Variants in TEAD2 observed in about 807,000 individuals in gnomAD.
The protein encoded by TEAD2 is TEA domain transcription factor 2, also known as transcriptional enhancer factor TEF-4.
Under a neutral mutation model 61.4 loss-of-function variants are expected in TEAD2, and 51 were observed. The observed-to-expected ratio is 0.83, with a 90% confidence interval of 0.66 to 1.05. The LOEUF (loss-of-function observed/expected upper bound fraction) is 1.05, where lower values mean the gene tolerates loss of function less well. Among genes scored for constraint, TEAD2 ranks in the 50% least tolerant of loss-of-function variants. TEAD2 has a pLI of 0.00. For synonymous variants in TEAD2, 244 were observed against 243.2 expected, an observed-to-expected ratio of 1.00 and a Z score of -0.03; for missense variants, 509 against 600.0, an observed-to-expected ratio of 0.85 and a Z score of 1.58.
Position 49,342,583 on chromosome 19 carries a change from C to T in TEAD2, c.1097G>A (p.Arg366Gln), listed in dbSNP as rs761469072. Residue 366 changes from arginine to glutamine, a missense_variant, in exon 12 of 13, where the codon CGG (arginine) becomes CAG (glutamine). Transcript: ENST00000593945. ...KQVVEKVETE[R>Q]AQLEDGRFVY... Reference sequence around the variant, plus strand: ...AAATCTGCCGTCCTCCAGCTGGGCCCGTTCCGTCTGAACCAAGGGGAAGGG... The same window carrying T: ...AAATCTGCCGTCCTCCAGCTGGGCCTGTTCCGTCTGAACCAAGGGGAAGGG... 1.1e-5 allele frequency: 18 copies of T among 1,612,172 alleles called. No individual in the cohort carries two copies. Among genetic ancestry groups the T allele is most frequent in the Non-Finnish European group, 1.4e-5 (17 of 1,178,900 alleles).
chr19:49,351,483 G>C (rs1972020374), intron 7 of TEAD2, 118 bp from the exon 8 acceptor site: 7 of 934,494 alleles, frequency 7.5e-6, no homozygotes, highest in Non-Finnish European at 9.6e-6. Context: ...CAATCTCACT[G>C]AAGCCTCACA....
intron 3 of TEAD2, 97 bp from the exon 4 acceptor site, chr19:49,357,411 A>C: frequency 7.8e-7 from 1 of 1,274,416 alleles, no homozygotes; most frequent in Non-Finnish European, 1.1e-6. Context: ...GAGCTGCTGG[A>C]CCATGAAAGG....
At chr19:49,356,748 C>T (rs1972427892) in intron 4 of TEAD2, among the ~76,000 whole-genome samples, 1 of 152,062 alleles carries the variant, frequency 6.6e-6, no homozygotes, top group Non-Finnish European at 1.5e-5. Context: ...GGACCGACGG[C>T]CCATCCTTCC....
intron 10 of TEAD2, 53 bp downstream of exon 10, chr19:49,347,137 G>T: frequency 6.3e-7 from 1 of 1,598,282 alleles, no homozygotes. Context: ...AGAGGCCTTT[G>T]CTGGGACACC....
Position 49,342,437 on chromosome 19 carries a change from C to G in TEAD2, c.1242+1G>C, listed in dbSNP as rs867721608. On this transcript the variant is annotated splice_donor_variant, in intron 12 of 12. Transcript: ENST00000593945. LOFTEE classifies it high-confidence loss of function. ...CACTCCAGCCCAGCCCCAGGCATCACCTGGAGGATGGTGAAGTTTTCCAGG... is the reference window on the plus strand; with the variant it reads ...CACTCCAGCCCAGCCCCAGGCATCAGCTGGAGGATGGTGAAGTTTTCCAGG... 6.2e-7 allele frequency: 1 copy of G among 1,613,272 alleles called. No individual in the cohort carries two copies. Among genetic ancestry groups the G allele is most frequent in the Admixed American group, 1.7e-5 (1 of 60,012 alleles).
chr19:49,347,732 C>A (rs1401628308), intron 9 of TEAD2, among the ~76,000 whole-genome samples: 1 of 152,170 alleles, frequency 6.6e-6, no homozygotes, highest in East Asian at 1.9e-4. Context: ...TCCCATAGCT[C>A]CCCAGCAGCC....
In TEAD2 at chr19:49,358,725, C is replaced by T. The variant is rs576949920; in HGVS notation, c.297+710G>A. Among the ~76,000 whole-genome samples, 8 of 151,514 alleles carry T rather than the reference C, an allele frequency of 5.3e-5. No individual in the cohort carries two copies. In the South Asian group the frequency reaches 1.3e-3, roughly 24 times the overall value. The stretch of plus-strand genomic sequence containing the variant: ...TTGGCTCACTGCAACCTCCGCCTCC[C>T]GGGTTCAAGCGATTTTCGTGCCTCA... On this transcript the variant is annotated intron_variant, in intron 3 of 12. Transcript: ENST00000593945.
At position 49,342,492 on chromosome 19, in the gene TEAD2, C is replaced by T. The variant is rs1162939330; in HGVS notation, c.1188G>A (p.Gln396=). ...YLVNFLHKLR[Q]LPERYMMNSV... ...TGTTCATCATGTATCGCTCAGGCAG[C>T]TGCCGCAACTTGTGCAAGAAATTCA... The change falls in exon 12 of 13, where the codon CAG becomes CAA. Residue 396 remains glutamine, a synonymous_variant. Coordinates refer to ENST00000593945, the MANE Select transcript of TEAD2 (RefSeq NM_001256660.2). 1.2e-6 allele frequency: 2 copies of T among 1,614,052 alleles called. No homozygotes were observed. The highest frequency in any genetic ancestry group is 1.7e-5 in the Admixed American group (1 of 59,998).
At chr19:49,350,359 G>A (rs907286977) in intron 8 of TEAD2, among the ~76,000 whole-genome samples, 5 of 151,750 alleles carry the variant, frequency 3.3e-5, no homozygotes, top group East Asian at 3.9e-4. Context: ...TTGCTCTGTC[G>A]CCCAGTCTGG....
chr19:49,355,474 G>C, intron 5 of TEAD2, 55 bp from the exon 6 acceptor site: 2 of 1,470,804 alleles, frequency 1.4e-6, no homozygotes, highest in East Asian at 2.3e-5. Flanking sequence ...AACATGGCAA[G>C]AGGGGGATGG....
At position 49,359,691 on chromosome 19, in the gene TEAD2, C is replaced by A. The variant is rs1041858476; in HGVS notation, c.232+153G>T. Among the ~76,000 whole-genome samples the A allele has an allele frequency of 6.6e-6, 1 of 152,140 alleles. No individual in the cohort carries two copies. Among genetic ancestry groups the A allele is most frequent in the Non-Finnish European group, 1.5e-5 (1 of 68,018 alleles). ...AGCTCCATCACGCACTGGCTCTGTG[C>A]GACCATAAGCAAATCACTTAACCTA... On this transcript the variant is annotated intron_variant, in intron 2 of 12. Transcript: ENST00000593945. This position sits in a 1 kb window ranked among gnomAD's most constrained non-coding sequence, Gnocchi z 4.1.
Position 49,357,250 on chromosome 19 carries a change from A to G in TEAD2, c.360+2T>C, listed in dbSNP as rs776113142. 6.6e-7 allele frequency: 1 copy of G among 1,524,534 alleles called. No homozygotes were observed. Among genetic ancestry groups the G allele is most frequent in the Non-Finnish European group, 8.9e-7 (1 of 1,129,908 alleles). The allele number at this position is 1,524,534 out of a possible 1,614,324, so 94.4% of individuals were successfully genotyped here. On this transcript the variant is annotated splice_donor_variant, in intron 4 of 12. Transcript: ENST00000593945. LOFTEE classifies it high-confidence loss of function. ...TCTCAGGATGTCTGCATTGGTCCCT[A>G]CCTTCAACTTGGACTGGATTTCCCT...
At position 49,359,583 on chromosome 19, in the gene TEAD2, G is replaced by A; in HGVS notation, c.233-84C>T. The stretch of plus-strand genomic sequence containing the variant: ...ATGGACACCAGGGAAGAAGAAAGCA[G>A]CATGGGTCCCCAAAGGTCTGCAGCA... On this transcript the variant is annotated intron_variant, in intron 2 of 12. Transcript: ENST00000593945. The surrounding 1 kb of genome is among the most constrained non-coding windows in gnomAD (Gnocchi z 4.1). 6.7e-7 allele frequency: 1 copy of A among 1,497,692 alleles called. No individual in the cohort carries two copies. Among genetic ancestry groups the A allele is most frequent in the Non-Finnish European group, 9.3e-7 (1 of 1,076,706 alleles). 92.8% of individuals were successfully genotyped at this position (1,497,692 alleles called of 1,614,324 possible).
rs116203635 is a variant in TEAD2 at position 49,347,500 on chromosome 19, T to C, written c.748-137A>G. ...CACACAGTCCACCCAGCACTGGGCC[T>C]GACTGCCACCCATCGTCCCCACTCC... On this transcript the variant is annotated intron_variant, in intron 9 of 12. Coordinates refer to ENST00000593945, the MANE Select transcript of TEAD2 (RefSeq NM_001256660.2). 2.6e-3 allele frequency: 2,600 copies of C among 984,054 alleles called. 40 individuals carry two copies. The African/African-American group carries it at 0.035, about 13-fold the overall frequency. The allele number at this position is 984,054 out of a possible 1,614,324, so 61.0% of individuals were successfully genotyped here.
intron 7 of TEAD2, among the ~76,000 whole-genome samples, chr19:49,351,661 A>AT (rs1972032687): frequency 6.6e-6 from 1 of 152,034 alleles, no homozygotes; most frequent in African/African-American, 2.4e-5. Flanking sequence ...TGATGATGAC[A>AT]TTTTGGTATC....
intron 3 of TEAD2, among the ~76,000 whole-genome samples, chr19:49,358,002 G>A (rs542612621): frequency 1.2e-4 from 19 of 152,266 alleles, no homozygotes; most frequent in African/African-American, 4.6e-4. Context: ...GGAGGCCGAG[G>A]CGGGTGGATC....
At position 49,341,343 on chromosome 19, in the gene TEAD2, T is replaced by G; in HGVS notation, c.1337A>C (p.Tyr446Ser). The G allele has an allele frequency of 6.2e-7, 1 of 1,613,756 alleles. No individual in the cohort carries two copies. The highest frequency in any genetic ancestry group is 8.5e-7 in the Non-Finnish European group (1 of 1,179,856). The change falls in exon 13 of 13, where the codon TAC becomes TCC. Residue 446 changes from tyrosine to serine, a missense_variant. Tyr to Ser is a moderately radical substitution (Grantham distance 144). Coordinates refer to ENST00000593945, the MANE Select transcript of TEAD2 (RefSeq NM_001256660.2). The surrounding 1 kb of genome is among the most constrained non-coding windows in gnomAD (Gnocchi z 4.2). ...TSERGAQHHIYRLVRD is the reference protein window; with the variant it reads ...TSERGAQHHISRLVRD ...CCCCCTTCAGTCCCTGACCAGGCGG[T>G]AAATGTGATGCTGGGCCCCACGCTC...
rs749424652 is a variant in TEAD2 at position 49,355,433 on chromosome 19, C to T, written c.373-14G>A. On this transcript the variant is annotated splice_polypyrimidine_tract_variant and intron_variant, in intron 5 of 12. Transcript: ENST00000593945. ...GGAAACCTGGTCCTGGAGGAGGAGG[C>T]GGAAGTTCATGTGAGAGGGGCATCT... The T allele has an allele frequency of 1.5e-5, 24 of 1,609,574 alleles. No individual in the cohort carries two copies. Among genetic ancestry groups the T allele is most frequent in the African/African-American group, 2.7e-5 (2 of 74,762 alleles).
At chr19:49,355,548 C>G in intron 5 of TEAD2, 129 bp from the exon 6 acceptor site, 2 of 750,142 alleles carry the variant, frequency 2.7e-6, no homozygotes, top group Admixed American at 2.3e-5. Flanking sequence ...GGTTAGTGGC[C>G]GGGCATGGTG....
Sources: gnomAD v4.1 joint callset for allele counts (sites outside exome capture counted in the v4.1 genomes callset) on GRCh38, gnomAD v4.1.1 for gene constraint, Gnocchi (gnomAD v3.1) non-coding constraint, MANE v1.5 for transcripts, NCBI Gene and HGNC (gene_info 2026-07-23, HGNC 2026-07-21) for gene names.